The following WDR27 variants were observed in gnomAD, a reference collection of about 807,000 sequenced individuals.
WDR27 encodes the protein WD repeat-containing protein 27.
In WDR27, 100 loss-of-function variants were observed where a neutral mutation model predicts 114.4. That is an observed-to-expected ratio of 0.87 (90% CI 0.74 to 1.03). The LOEUF (loss-of-function observed/expected upper bound fraction) is 1.03, where lower values mean the gene tolerates loss of function less well. WDR27 is among the 50% of genes least tolerant of loss of function. The pLI, the probability that WDR27 is intolerant of heterozygous loss-of-function variation, is 0.00. For synonymous variants in WDR27, 449 were observed against 423.1 expected (o/e 1.06, Z -0.75); for missense variants, 1,129 against 1,092.9 (o/e 1.03, Z -0.47).
chr6:169,662,460 C>T, intron 8 of WDR27, 36 bp from the exon 9 acceptor site: 1 of 1,606,902 alleles, frequency 6.2e-7, no homozygotes. Context: ...AAGAAGTGAA[C>T]TTAAATGCAT....
At chr6:169,437,289 CA>C in the WDR27 span, among the ~76,000 whole-genome samples, 1 of 123,242 alleles carries the variant, frequency 8.1e-6, no homozygotes, top group African/African-American at 2.5e-5. Context: ...GTATTGGTGT[CA>C]GGGGTGCACT....
chr6:169,659,231 C>T lies in WDR27; in HGVS notation c.1198-24G>A, dbSNP rs762086544. The T allele has an allele frequency of 1.7e-5, 27 of 1,573,934 alleles. No homozygotes were observed. The highest frequency in any genetic ancestry group is 2.2e-5 in the East Asian group (1 of 44,490). On this transcript the variant is annotated intron_variant, in intron 11 of 25. Coordinates refer to ENST00000448612, the MANE Select transcript of WDR27 (RefSeq NM_182552.5). This position sits in a 1 kb window ranked among gnomAD's most constrained non-coding sequence, Gnocchi z 4.3. Reference sequence around the variant, plus strand: ...ACCTGCAGGGACGCGGTTTCAACATCGTTAGCGACACCACCCAGTAAAAGC... The same window carrying T: ...ACCTGCAGGGACGCGGTTTCAACATTGTTAGCGACACCACCCAGTAAAAGC...
At chr6:169,545,282 T>G (rs1797323721) in intron 25 of WDR27, among the ~76,000 whole-genome samples, 1 of 152,176 alleles carries the variant, frequency 6.6e-6, no homozygotes, top group South Asian at 2.1e-4. Flanking sequence ...GATAAAGGTG[T>G]AAAACAAATT....
chr6:169,588,414 T>A (rs540379892), intron 23 of WDR27, among the ~76,000 whole-genome samples: 13 of 152,248 alleles, frequency 8.5e-5, no homozygotes, highest in African/African-American at 1.2e-4. Flanking sequence ...TCATGACATA[T>A]GTTTTTAATT....
chr6:169,627,644 C>T (rs909119739), intron 21 of WDR27, among the ~76,000 whole-genome samples: 1 of 152,204 alleles, frequency 6.6e-6, no homozygotes, highest in African/African-American at 2.4e-5. Context: ...GGGGAGCCTC[C>T]ACATTGCTCA....
At chr6:169,656,438 C>A (rs1001056899) in intron 13 of WDR27, among the ~76,000 whole-genome samples, 5 of 152,118 alleles carry the variant, frequency 3.3e-5, no homozygotes, top group Non-Finnish European at 7.3e-5. Context: ...GTTTATCTGA[C>A]TTCTGCTGCT....
intron 12 of WDR27, among the ~76,000 whole-genome samples, chr6:169,658,735 G>C (rs893428813): frequency 6.7e-6 from 1 of 150,150 alleles, no homozygotes; most frequent in Non-Finnish European, 1.5e-5. Flanking sequence ...CCAGGCTGCA[G>C]TGCAGTGGCG....
At position 169,643,687 on chromosome 6, in the gene WDR27, C is replaced by T; in HGVS notation, c.1747+10G>A. ...AAGTTCATACTGACTGAAATTAAGA[C>T]ATGTTTTACCTGAAAACACAGCAGG... On this transcript the variant is annotated intron_variant, in intron 17 of 25. Coordinates refer to ENST00000448612, the MANE Select transcript of WDR27 (RefSeq NM_182552.5). 6.2e-7 allele frequency: 1 copy of T among 1,611,246 alleles called. No homozygotes were observed. The highest frequency in any genetic ancestry group is 1.1e-5 in the South Asian group (1 of 90,612).
intron 18 of WDR27, among the ~76,000 whole-genome samples, chr6:169,637,829 GTA>G (rs1818033421): frequency 6.6e-6 from 1 of 151,056 alleles, no homozygotes; most frequent in South Asian, 2.1e-4. Flanking sequence ...GTAAGTGTGC[GTA>G]TGTGTATGCA....
intron 25 of WDR27, among the ~76,000 whole-genome samples, chr6:169,503,936 G>A (rs1473240117): frequency 2.0e-5 from 3 of 152,048 alleles, no homozygotes; most frequent in Admixed American, 6.6e-5. Context: ...ATGCTAATAA[G>A]TGAGACAACA....
chr6:169,449,802 C>G, the WDR27 span, among the ~76,000 whole-genome samples: 1 of 152,246 alleles, frequency 6.6e-6, no homozygotes, highest in South Asian at 2.1e-4. Flanking sequence ...ACAGTCACAC[C>G]AAAGCGTATG....
chr6:169,505,298 GA>G (rs1193792641), intron 25 of WDR27, among the ~76,000 whole-genome samples: 3 of 152,144 alleles, frequency 2.0e-5, no homozygotes. Context: ...TTAATGTTAT[GA>G]GTGATTTTTC....
At chr6:169,663,217 A>G (rs1585007358) in intron 8 of WDR27, among the ~76,000 whole-genome samples, 1 of 151,924 alleles carries the variant, frequency 6.6e-6, no homozygotes, top group Middle Eastern at 3.4e-3. Context: ...TCCTAAAACT[A>G]AGTTTAAGAT....
At chr6:169,517,166 A>G (rs1260836875) in intron 25 of WDR27, among the ~76,000 whole-genome samples, 1 of 151,960 alleles carries the variant, frequency 6.6e-6, no homozygotes, top group Admixed American at 6.6e-5. Context: ...AGTGTGTGGC[A>G]CTTCCCCACC....
chr6:169,648,009 A>G, intron 15 of WDR27, 139 bp from the exon 16 acceptor site: 1 of 600,720 alleles, frequency 1.7e-6, no homozygotes, highest in South Asian at 2.1e-5. Flanking sequence ...ATTTATCTAT[A>G]TGTCTATATT....
rs867980949 is a variant in WDR27 at position 169,697,508 on chromosome 6, C to T, written c.-8+4043G>A. On this transcript the variant is annotated intron_variant, in intron 1 of 25. Coordinates refer to ENST00000448612, the MANE Select transcript of WDR27 (RefSeq NM_182552.5). ...TGGAGGGCCCGACATCAGTCAGGCT[C>T]GCCCACTGTAATCCGGAGGCCTAAC... Among the ~76,000 whole-genome samples the T allele has an allele frequency of 2.6e-5, 4 of 152,300 alleles. No homozygotes were observed. In the South Asian group the frequency reaches 6.2e-4, roughly 24 times the overall value.
At chr6:169,652,272 G>A (rs542340581) in intron 13 of WDR27, among the ~76,000 whole-genome samples, 2 of 152,302 alleles carry the variant, frequency 1.3e-5, no homozygotes, top group South Asian at 2.1e-4. Context: ...TTGTTGAGAC[G>A]GAGTCTCGCT....
rs550982104 is a variant in WDR27 at position 169,675,353 on chromosome 6, C to A, written c.190-2957G>T. On this transcript the variant is annotated intron_variant, in intron 2 of 25. Transcript: ENST00000448612. ...TGCCTGTTTTCCCTTTGCCTTCCAC[C>A]ATGATTGTAAGGTTCCTGAGGCCCT... Among the ~76,000 whole-genome samples, 3 of 152,250 alleles carry A rather than the reference C, an allele frequency of 2.0e-5. No individual in the cohort carries two copies. In the South Asian group the frequency reaches 6.2e-4, roughly 32 times the overall value.
chr6:169,443,766 G>C, the WDR27 span, among the ~76,000 whole-genome samples: 1 of 152,128 alleles, frequency 6.6e-6, no homozygotes, highest in Non-Finnish European at 1.5e-5. Context: ...AGCAGCTCTT[G>C]GGTCCTCATA....
Sources: allele counts gnomAD v4.1 joint callset (sites outside exome capture counted in the v4.1 genomes callset), GRCh38; gene constraint gnomAD v4.1.1; non-coding constraint Gnocchi (gnomAD v3.1); transcripts MANE v1.5; gene names NCBI Gene and HGNC (gene_info 2026-07-23, HGNC 2026-07-21).